Variants in LRRFIP2 observed in about 807,000 individuals in gnomAD.
The protein encoded by LRRFIP2 is LRR binding FLII interacting protein 2.
In LRRFIP2, 109 loss-of-function variants were observed where a neutral mutation model predicts 125.9. The ratio of observed to expected loss-of-function variants is 0.87; its 90% CI spans 0.74 to 1.01. The LOEUF (loss-of-function observed/expected upper bound fraction) is 1.01. Ranked by LOEUF, LRRFIP2 falls within the 50% of genes least tolerant of loss-of-function variation. The pLI, the probability that LRRFIP2 is intolerant of heterozygous loss-of-function variation, is 0.00. For synonymous variants in LRRFIP2, 291 were observed against 293.1 expected (o/e 0.99, Z 0.07); for missense variants, 850 against 862.3 (o/e 0.99, Z 0.18).
intron 9 of LRRFIP2, among the ~76,000 whole-genome samples, chr3:37,110,017 A>T (rs781191806): frequency 1.3e-5 from 2 of 152,142 alleles, no homozygotes; most frequent in Non-Finnish European, 2.9e-5. Flanking sequence ...ACACTGAGGG[A>T]AAGAGGGTCA....
At chr3:37,169,365 C>T (rs2096553685) in intron 1 of LRRFIP2, among the ~76,000 whole-genome samples, 1 of 152,144 alleles carries the variant, frequency 6.6e-6, no homozygotes, top group South Asian at 2.1e-4. Flanking sequence ...GAACAATGCC[C>T]TCTCATTTCC....
intron 24 of LRRFIP2, 105 bp from the exon 25 acceptor site, chr3:37,059,015 GC>G: frequency 1.4e-6 from 2 of 1,408,992 alleles, no homozygotes; most frequent in Non-Finnish European, 2.0e-6. Flanking sequence ...TATCGTATCA[GC>G]CACATTCATT....
At chr3:37,163,372 C>A (rs576866325) in intron 1 of LRRFIP2, among the ~76,000 whole-genome samples, 121 of 152,332 alleles carry the variant, frequency 7.9e-4, no homozygotes, top group Middle Eastern at 3.4e-3. Context: ...TGACTCAGTT[C>A]TAGCCAGTGG....
At chr3:37,145,410 T>C (rs574796468) in intron 2 of LRRFIP2, among the ~76,000 whole-genome samples, 1 of 152,360 alleles carries the variant, frequency 6.6e-6, no homozygotes, top group African/African-American at 2.4e-5. Flanking sequence ...TGGGGACTAA[T>C]ATAAATACTT....
intron 1 of LRRFIP2, among the ~76,000 whole-genome samples, chr3:37,156,833 T>C (rs1051547753): frequency 6.6e-6 from 1 of 151,424 alleles, no homozygotes; most frequent in Non-Finnish European, 1.5e-5. Flanking sequence ...ACATACACAT[T>C]AAAAATAAAG....
Position 37,055,181 on chromosome 3 carries a change from A to G in LRRFIP2, c.1871-16T>C. 2 of 1,497,772 alleles carry G rather than the reference A, an allele frequency of 1.3e-6. No homozygotes were observed. Among genetic ancestry groups the G allele is most frequent in the Non-Finnish European group, 1.8e-6 (2 of 1,098,838 alleles). 92.8% of individuals were successfully genotyped at this position (1,497,772 alleles called of 1,614,324 possible). ...TTGGCATCTCCTAGAACAGAAGAAG[A>G]CAATGAATTATCTTCACCTGTCAGA... On this transcript the variant is annotated splice_polypyrimidine_tract_variant and intron_variant, in intron 25 of 27. Coordinates refer to ENST00000336686, the MANE Select transcript of LRRFIP2 (RefSeq NM_006309.4).
intron 6 of LRRFIP2, among the ~76,000 whole-genome samples, chr3:37,120,972 T>C (rs2149549443): frequency 6.6e-6 from 1 of 152,262 alleles, no homozygotes; most frequent in African/African-American, 2.4e-5. Context: ...TAACAATCCA[T>C]GCAAAAAACA....
At chr3:37,065,394 G>A (rs1168765602) in intron 23 of LRRFIP2, 1 of 324,684 alleles carries the variant, frequency 3.1e-6, no homozygotes, top group African/African-American at 2.1e-5. Flanking sequence ...GTGGAAAAGA[G>A]GTACAGAACC....
At chr3:37,148,873 G>A in intron 2 of LRRFIP2, 21 bp downstream of exon 2, 2 of 1,613,802 alleles carry the variant, frequency 1.2e-6, no homozygotes, top group Non-Finnish European at 1.7e-6. Context: ...TCAGTGTTGA[G>A]AGGGGATTTA....
chr3:37,126,559 T>TAA (rs869048529), intron 4 of LRRFIP2, among the ~76,000 whole-genome samples: 1 of 143,020 alleles, frequency 7.0e-6, no homozygotes, highest in South Asian at 2.2e-4. Context: ...CACAGAGGTT[T>TAA]AAAAAAAAAA....
intron 4 of LRRFIP2, among the ~76,000 whole-genome samples, chr3:37,123,715 A>G (rs1448983720): frequency 6.6e-6 from 1 of 152,118 alleles, no homozygotes; most frequent in Non-Finnish European, 1.5e-5. Flanking sequence ...TTCCAATATT[A>G]TTTGAGGTAC....
chr3:37,063,630 G>C, intron 24 of LRRFIP2, 112 bp downstream of exon 24: 1 of 798,502 alleles, frequency 1.3e-6, no homozygotes, highest in Non-Finnish European at 2.2e-6. Flanking sequence ...TATCTCACTT[G>C]AGTACTGATG....
At chr3:37,134,693 T>G in intron 2 of LRRFIP2, 1 of 734,306 alleles carries the variant, frequency 1.4e-6, no homozygotes, top group South Asian at 1.3e-5. Context: ...AACTTAGTGA[T>G]TTGGCCCATG....
intron 7 of LRRFIP2, among the ~76,000 whole-genome samples, chr3:37,114,309 C>T (rs1444112327): frequency 6.6e-6 from 1 of 152,136 alleles, no homozygotes; most frequent in Non-Finnish European, 1.5e-5. Context: ...TAACTGATGT[C>T]TTAGGTGTCC....
chr3:37,090,920 G>A (rs2093396058), intron 18 of LRRFIP2, among the ~76,000 whole-genome samples: 1 of 152,188 alleles, frequency 6.6e-6, no homozygotes, highest in Non-Finnish European at 1.5e-5. Context: ...TACTGACTGA[G>A]TTTGGTAACA....
chr3:37,087,972 G>A (rs2093182124), intron 18 of LRRFIP2, among the ~76,000 whole-genome samples: 1 of 152,174 alleles, frequency 6.6e-6, no homozygotes. Context: ...GGGTAAAAAT[G>A]CAAATTTCCA....
At chr3:37,135,241 A>C (rs568819208) in intron 2 of LRRFIP2, 1 of 620,102 alleles carries the variant, frequency 1.6e-6, no homozygotes, top group East Asian at 2.9e-5. Flanking sequence ...CGGGCTGATC[A>C]CTAGGTCAGG....
chr3:37,092,664 T>G (rs2093510378), intron 17 of LRRFIP2, among the ~76,000 whole-genome samples: 1 of 152,216 alleles, frequency 6.6e-6, no homozygotes, highest in Non-Finnish European at 1.5e-5. Flanking sequence ...ACCCTGGCAT[T>G]TATGTCTGGT....
At chr3:37,054,713 A>G (rs1424392446) in intron 26 of LRRFIP2, among the ~76,000 whole-genome samples, 198 bp from the exon 27 acceptor site, 1 of 152,224 alleles carries the variant, frequency 6.6e-6, no homozygotes, top group Non-Finnish European at 1.5e-5. Context: ...TTACAGCTGT[A>G]GAGTCATTTT....
Sources: allele counts gnomAD v4.1 joint callset (sites outside exome capture counted in the v4.1 genomes callset), GRCh38; gene constraint gnomAD v4.1.1; transcripts MANE v1.5; gene names NCBI Gene and HGNC (gene_info 2026-07-23, HGNC 2026-07-21).